PCDHA8: variants seen among roughly 807,000 people sequenced by gnomAD.
PCDHA8 encodes the protein protocadherin alpha 8, also known as protocadherin alpha-8.
In PCDHA8, 53 loss-of-function variants were observed where a neutral mutation model predicts 61.8. The observed-to-expected ratio is 0.86, with a 90% confidence interval of 0.69 to 1.08. The LOEUF (loss-of-function observed/expected upper bound fraction) is 1.08, where lower values mean the gene tolerates loss of function less well. PCDHA8 is among the 50% of genes least tolerant of loss of function. The pLI, the probability that PCDHA8 is intolerant of heterozygous loss-of-function variation, is 0.00. For missense variants in PCDHA8, 1,293 were observed against 1,245.0 expected (o/e 1.04, Z -0.58); for synonymous variants, 618 against 556.6 (o/e 1.11, Z -1.55).
At chr5:140,954,427 C>T (rs545024696) in intron 1 of PCDHA8, among the ~76,000 whole-genome samples, 1 of 152,200 alleles carries the variant, frequency 6.6e-6, no homozygotes, top group Admixed American at 6.5e-5. Context: ...CCTTTTTCTC[C>T]ATCTGTTGTT....
At chr5:140,868,806 G>C (rs374832846) in intron 1 of PCDHA8, 8 of 356,954 alleles carry the variant, frequency 2.2e-5, no homozygotes, top group Non-Finnish European at 4.0e-5. Flanking sequence ...AAATAAGCAC[G>C]TTGGAAATAT....
chr5:141,006,946 G>A (rs1333269040), intron 3 of PCDHA8, among the ~76,000 whole-genome samples: 1 of 152,120 alleles, frequency 6.6e-6, no homozygotes, highest in African/African-American at 2.4e-5. Flanking sequence ...TACCAGATAG[G>A]CAGTTATACA....
At chr5:140,967,174 G>A (rs1554229282) in intron 1 of PCDHA8, 1 of 1,611,892 alleles carries the variant, frequency 6.2e-7, no homozygotes, top group Non-Finnish European at 8.5e-7. Flanking sequence ...CCGTTGAGGT[G>A]GAAATATTGG....
intron 3 of PCDHA8, among the ~76,000 whole-genome samples, chr5:141,007,652 A>T (rs2098338412): frequency 6.6e-6 from 1 of 152,112 alleles, no homozygotes; most frequent in African/African-American, 2.4e-5. Flanking sequence ...TGCCTAAAAA[A>T]CCATAAATTT....
At chr5:140,882,375 C>G (rs879994353) in intron 1 of PCDHA8, 2 of 1,614,094 alleles carry the variant, frequency 1.2e-6, no homozygotes, top group Non-Finnish European at 1.7e-6. Context: ...TACTCCGTCC[C>G]CGAGGAAGCA....
intron 1 of PCDHA8, among the ~76,000 whole-genome samples, chr5:140,957,916 T>C (rs1554223208): frequency 6.6e-6 from 1 of 152,114 alleles, no homozygotes; most frequent in African/African-American, 2.4e-5. Context: ...TTGTTATCTA[T>C]GTATCAAGCT....
At chr5:140,975,160 T>G (rs2096656216) in intron 1 of PCDHA8, among the ~76,000 whole-genome samples, 1 of 152,194 alleles carries the variant, frequency 6.6e-6, no homozygotes, top group African/African-American at 2.4e-5. Flanking sequence ...CCTAGAGAAC[T>G]GAGGACTCAG....
At chr5:140,888,265 A>G (rs2061758269) in intron 1 of PCDHA8, among the ~76,000 whole-genome samples, 1 of 152,096 alleles carries the variant, frequency 6.6e-6, no homozygotes, top group Non-Finnish European at 1.5e-5. Flanking sequence ...TCTTGATAAG[A>G]AACAGTTTTG....
intron 1 of PCDHA8, chr5:140,877,218 G>T: frequency 1.2e-6 from 2 of 1,613,726 alleles, no homozygotes; most frequent in South Asian, 1.1e-5. Context: ...AGTTGGTACC[G>T]CGGTCGGTGG....
At chr5:140,877,710 G>T in intron 1 of PCDHA8, 1 of 1,614,098 alleles carries the variant, frequency 6.2e-7, no homozygotes, top group Non-Finnish European at 8.5e-7. Context: ...GCGCCGTGGG[G>T]AGTTGGTCTT....
At chr5:140,890,886 A>G (rs1332125590) in intron 1 of PCDHA8, among the ~76,000 whole-genome samples, 3 of 151,952 alleles carry the variant, frequency 2.0e-5, no homozygotes, top group Admixed American at 1.3e-4. Flanking sequence ...TTCATCAGGG[A>G]TTATTGTCTT....
At chr5:141,007,891 T>G (rs2098350311) in intron 3 of PCDHA8, among the ~76,000 whole-genome samples, 1 of 152,232 alleles carries the variant, frequency 6.6e-6, no homozygotes, top group Admixed American at 6.5e-5. Flanking sequence ...CTTTAAAAAT[T>G]TATTGTTCTT....
chr5:140,935,527 C>G (rs956168876), intron 1 of PCDHA8, among the ~76,000 whole-genome samples: 4 of 152,172 alleles, frequency 2.6e-5, no homozygotes, highest in Non-Finnish European at 5.9e-5. Context: ...CATGTACAGT[C>G]AAATTATTGT....
chr5:140,948,492 A>C (rs915795889), intron 1 of PCDHA8, among the ~76,000 whole-genome samples: 1 of 151,594 alleles, frequency 6.6e-6, no homozygotes, highest in Non-Finnish European at 1.5e-5. Flanking sequence ...AATTTCTTTC[A>C]TAGACTTTCT....
intron 1 of PCDHA8, among the ~76,000 whole-genome samples, chr5:140,962,147 T>C (rs2095660496): frequency 1.3e-5 from 2 of 152,176 alleles, no homozygotes; most frequent in South Asian, 4.1e-4. Context: ...AGTGCTGGGA[T>C]TACAGGCGTG....
At chr5:140,848,502 T>C (rs2150411498) in intron 1 of PCDHA8, 1 of 1,586,510 alleles carries the variant, frequency 6.3e-7, no homozygotes, top group Non-Finnish European at 8.6e-7. Context: ...TGAAATGTTA[T>C]ACTCAAGTCG....
chr5:140,998,681 C>G (rs978884535), intron 3 of PCDHA8, among the ~76,000 whole-genome samples: 42 of 152,038 alleles, frequency 2.8e-4, no homozygotes, highest in Non-Finnish European at 1.6e-4. Context: ...TCTCCTGCCT[C>G]AGCCTCCCAA....
chr5:140,963,072 CAG>C (rs1366711310), intron 1 of PCDHA8, among the ~76,000 whole-genome samples: 5 of 151,824 alleles, frequency 3.3e-5, no homozygotes, highest in African/African-American at 1.2e-4. Flanking sequence ...GTGAAGGAGA[CAG>C]AAATATAAGA....
At position 140,967,833 on chromosome 5, in the gene PCDHA8, T is replaced by G. The variant is rs1554229998; in HGVS notation, c.2395-11116T>G. The G allele has an allele frequency of 1.2e-6, 2 of 1,614,014 alleles. No homozygotes were observed. The highest frequency in any genetic ancestry group is 4.5e-5 in the East Asian group (2 of 44,876). On this transcript the variant is annotated intron_variant, in intron 1 of 3. Transcript: ENST00000531613. The stretch of plus-strand genomic sequence containing the variant: ...CACTGCAAGGTGCTGGTGGACATCG[T>G]GGACGTGAATGACAATGCCCCAGAG...
Sources: allele counts gnomAD v4.1 joint callset (sites outside exome capture counted in the v4.1 genomes callset), GRCh38; gene constraint gnomAD v4.1.1; transcripts MANE v1.5; gene names NCBI Gene and HGNC (gene_info 2026-07-23, HGNC 2026-07-21).